BBIP1: variants seen among roughly 807,000 people sequenced by gnomAD.
The protein encoded by BBIP1 is BBSome interacting protein 1.
A neutral mutation model predicts 8.9 loss-of-function variants in BBIP1; 6 were observed. The observed-to-expected ratio is 0.67, with a 90% confidence interval of 0.37 to 1.33. The LOEUF is 1.33. Among genes scored for constraint, BBIP1 ranks in the 40% most tolerant of loss-of-function variants. The probability of loss-of-function intolerance (pLI) is 0.02; values close to 1 mark genes in which losing one functional copy is unlikely to be tolerated. For missense variants in BBIP1, 111 were observed against 109.2 expected, an observed-to-expected ratio of 1.02 and a Z score of -0.07; for synonymous variants, 32 against 33.4, an observed-to-expected ratio of 0.96 and a Z score of 0.14.
At chr10:110,917,194 A>ATTTTTTTTTTTTTTT (rs67066048) in intron 2 of BBIP1, among the ~76,000 whole-genome samples, 1 of 107,972 alleles carries the variant, frequency 9.3e-6, no homozygotes, top group African/African-American at 3.6e-5. Context: ...CTGGATCCTG[A>ATTTTTTTTTTTTTTT]TTTTTTTTTT....
At chr10:110,912,158 C>CTTTTT (rs79971994) in intron 2 of BBIP1, 40 of 128,200 alleles carry the variant, frequency 3.1e-4, no homozygotes, top group East Asian at 1.6e-3. Flanking sequence ...CTTTTCTTTT[C>CTTTTT]TTTTTTTTTT....
At chr10:110,905,947 T>C (rs1846122771) in intron 2 of BBIP1, among the ~76,000 whole-genome samples, 1 of 152,196 alleles carries the variant, frequency 6.6e-6, no homozygotes, top group Non-Finnish European at 1.5e-5. Context: ...ATCATCTTTT[T>C]TTCTTCCTGG....
intron 2 of BBIP1, chr10:110,911,250 A>G (rs1219000476): frequency 1.3e-5 from 2 of 152,178 alleles, no homozygotes; most frequent in Admixed American, 1.3e-4. Context: ...GCTTATTACT[A>G]AAAATGCATG....
chr10:110,904,550 AG>A (rs1846084656), intron 2 of BBIP1: 1 of 152,242 alleles, frequency 6.6e-6, no homozygotes, highest in Admixed American at 6.5e-5. Flanking sequence ...AAAGTCTGAT[AG>A]TATCCACAGG....
chr10:110,901,813 G>C, intron 2 of BBIP1: 1 of 550,362 alleles, frequency 1.8e-6, no homozygotes. Flanking sequence ...CCATTAGTCA[G>C]TTGTGGTGTT....
chr10:110,908,792 TAAAAA>T (rs11320285), intron 2 of BBIP1, among the ~76,000 whole-genome samples: 2 of 142,536 alleles, frequency 1.4e-5, no homozygotes, highest in Non-Finnish European at 3.1e-5. Context: ...AAGGAATGCT[TAAAAA>T]AAAAAAAAAA....
intron 2 of BBIP1, among the ~76,000 whole-genome samples, chr10:110,917,082 T>C (rs1846423138): frequency 6.6e-6 from 1 of 151,962 alleles, no homozygotes; most frequent in Non-Finnish European, 1.5e-5. Context: ...GAGGGGCCCA[T>C]TTCCAAAAAG....
At chr10:110,903,879 A>G (rs770357317) in intron 2 of BBIP1, 5 of 152,242 alleles carry the variant, frequency 3.3e-5, no homozygotes, top group Non-Finnish European at 4.4e-5. Context: ...GTATCTTAAC[A>G]TAGACAAAGT....
chr10:110,909,970 C>A (rs1013752692), intron 2 of BBIP1, among the ~76,000 whole-genome samples: 6 of 152,154 alleles, frequency 3.9e-5, no homozygotes, highest in African/African-American at 1.4e-4. Context: ...AAACCAGTTT[C>A]TTTCTTTGGT....
At chr10:110,912,262 G>C (rs1413709857) in intron 2 of BBIP1, 1 of 147,720 alleles carries the variant, frequency 6.8e-6, no homozygotes, top group Non-Finnish European at 1.5e-5. Flanking sequence ...ACTGCTTTTT[G>C]ACTCTAGATT....
intron 1 of BBIP1, among the ~76,000 whole-genome samples, chr10:110,918,572 G>T (rs544576549): frequency 2.6e-5 from 4 of 152,262 alleles, no homozygotes; most frequent in African/African-American, 7.2e-5. Flanking sequence ...CAAGAGCTCC[G>T]TTTTGCCGGA....
intron 2 of BBIP1, among the ~76,000 whole-genome samples, chr10:110,917,247 G>A (rs1282180064): frequency 8.5e-6 from 1 of 118,304 alleles, no homozygotes; most frequent in Non-Finnish European, 1.6e-5. Flanking sequence ...AGGTATAAAA[G>A]ATATTCCTGG....
rs1474322629 is a variant in BBIP1, at chr10:110,899,632, T to TATTA, written c.*724_*727dup. On this transcript the variant is annotated 3_prime_UTR_variant, in exon 4 of 4. Coordinates refer to ENST00000448814, the MANE Select transcript of BBIP1 (RefSeq NM_001195305.3). ...GACCAACATGAAGAAACCCTGTCTCTATTAAAAATACAAAAGTAGCCAGGC... is the reference window on the plus strand; with the variant it reads ...GACCAACATGAAGAAACCCTGTCTCTATTAATTAAAAATACAAAAGTAGCCAGGC... 6.6e-6 allele frequency: 1 copy of TATTA among 152,198 alleles called. No individual in the cohort carries two copies. The highest frequency in any genetic ancestry group is 1.5e-5 in the Non-Finnish European group (1 of 68,052). 9.4% of individuals were successfully genotyped at this position (152,198 alleles called of 1,614,324 possible).
intron 2 of BBIP1, among the ~76,000 whole-genome samples, chr10:110,908,674 G>T (rs557691831): frequency 9.2e-5 from 14 of 152,070 alleles, no homozygotes; most frequent in Non-Finnish European, 1.3e-4. Context: ...GGGAGCAATT[G>T]TGTCAGGTAC....
Position 110,900,454 on chromosome 10 carries a change from G to A in BBIP1, c.185C>T (p.Thr62Ile). Residue 62 changes from threonine (T) to isoleucine (I), a missense_variant, in exon 4 of 4, where the codon ACT becomes ATT. Thr to Ile is a moderately conservative substitution (Grantham distance 89, BLOSUM62 -1). Transcript: ENST00000448814. Reference protein sequence around the residue: ...KPKLLPLKSLTLEKLEKMHQA... With the variant: ...KPKLLPLKSLILEKLEKMHQA... ...ATGCATTTTCTCTAGTTTTTCCAGA[G>A]TCAGAGATTTTAAGGGTAAAAGTTT... The A allele has an allele frequency of 6.5e-7, 1 of 1,535,758 alleles. No individual in the cohort carries two copies. The highest frequency in any genetic ancestry group is 8.7e-7 in the Non-Finnish European group (1 of 1,146,706).
chr10:110,901,760 G>T (rs1846009602), intron 2 of BBIP1, 148 bp from the exon 3 acceptor site: 4 of 639,826 alleles, frequency 6.3e-6, no homozygotes, highest in Non-Finnish European at 1.1e-5. Context: ...AATTTCCTGT[G>T]ACCTTGGGAT....
intron 2 of BBIP1, 120 bp downstream of exon 2, chr10:110,918,001 G>GA: frequency 1.2e-6 from 1 of 830,362 alleles, no homozygotes; most frequent in Non-Finnish European, 1.9e-6. Flanking sequence ...TAACAGCAAA[G>GA]AAACAAGAGT....
intron 2 of BBIP1, among the ~76,000 whole-genome samples, chr10:110,913,731 C>T (rs1341064666): frequency 2.0e-5 from 3 of 152,158 alleles, no homozygotes. Context: ...GAAGTAAATG[C>T]AGTTGACATA....
chr10:110,908,144 T>G (rs1846189549), intron 2 of BBIP1: 1 of 168,010 alleles, frequency 6.0e-6, no homozygotes, highest in African/African-American at 2.4e-5. Context: ...GCTGTATTTC[T>G]TCTGAATGTA....
Sources: gnomAD v4.1 joint callset for allele counts (sites outside exome capture counted in the v4.1 genomes callset) on GRCh38, gnomAD v4.1.1 for gene constraint, MANE v1.5 for transcripts, NCBI Gene and HGNC (gene_info 2026-07-23, HGNC 2026-07-21) for gene names.